LOC128462377: variants seen among roughly 807,000 people sequenced by gnomAD.
the LOC128462377 span, among the ~76,000 whole-genome samples, chr16:89,319,486 T>C: frequency 0.02 from 3,097 of 152,252 alleles, 108 homozygotes; most frequent in African/African-American, 0.07. Context: ...TCTGGAGACG[T>C]TTCTCCAGCC....
chr16:89,416,350 A>G, the LOC128462377 span, among the ~76,000 whole-genome samples: 8 of 151,948 alleles, frequency 5.3e-5, no homozygotes, highest in Admixed American at 2.6e-4. Flanking sequence ...CCCAGGCTCA[A>G]GTGCGGTGTT....
chr16:89,318,656 T>C, the LOC128462377 span, among the ~76,000 whole-genome samples: 10 of 152,236 alleles, frequency 6.6e-5, no homozygotes, highest in Non-Finnish European at 1.5e-4. Flanking sequence ...GGACGCAGGC[T>C]TGGCTGAGAC....
At chr16:89,374,337 T>TAA in the LOC128462377 span, among the ~76,000 whole-genome samples, 630 of 148,954 alleles carry the variant, frequency 4.2e-3, 13 homozygotes, top group South Asian at 1.9e-3. Context: ...TGTGTTTTTG[T>TAA]AAAAAAAATA....
chr16:89,398,801 G>A, the LOC128462377 span, among the ~76,000 whole-genome samples: 6 of 152,008 alleles, frequency 3.9e-5, no homozygotes, highest in Non-Finnish European at 7.3e-5. Flanking sequence ...GAAATTACTC[G>A]TCTAGTCTCT....
At chr16:89,357,128 G>A in the LOC128462377 span, among the ~76,000 whole-genome samples, 2 of 152,244 alleles carry the variant, frequency 1.3e-5, no homozygotes, top group African/African-American at 4.8e-5. Context: ...GTGTAAGGAA[G>A]GTGGAGCCAT....
the LOC128462377 span, among the ~76,000 whole-genome samples, chr16:89,343,252 C>T: frequency 9.8e-5 from 15 of 152,304 alleles, no homozygotes; most frequent in Admixed American, 4.6e-4. Flanking sequence ...CTCGGCCTCC[C>T]GAAGTGCTGG....
At chr16:89,323,410 A>AG in the LOC128462377 span, 1 of 1,119,368 alleles carries the variant, frequency 8.9e-7, no homozygotes, top group South Asian at 1.3e-5. Flanking sequence ...AGCCCAGGGC[A>AG]GGGGGGCTGA....
At chr16:89,369,315 C>A in the LOC128462377 span, among the ~76,000 whole-genome samples, 1 of 152,224 alleles carries the variant, frequency 6.6e-6, no homozygotes, top group African/African-American at 2.4e-5. Context: ...GTGTTCACAG[C>A]AGCGCTGCAA....
chr16:89,321,467 G>GGCGGC, the LOC128462377 span, among the ~76,000 whole-genome samples: 920 of 150,474 alleles, frequency 6.1e-3, 8 homozygotes, highest in African/African-American at 0.021. Context: ...TGCGGGGCGG[G>GGCGGC]GACTGTGGGG....
chr16:89,385,888 G>A, the LOC128462377 span, among the ~76,000 whole-genome samples: 7 of 152,242 alleles, frequency 4.6e-5, no homozygotes, highest in Non-Finnish European at 2.9e-5. Context: ...CGTTCCCTCC[G>A]TAGGCAACCC....
chr16:89,322,165 AC>A, the LOC128462377 span, among the ~76,000 whole-genome samples: 1 of 152,012 alleles, frequency 6.6e-6, no homozygotes, highest in African/African-American at 2.4e-5. Context: ...GGCGCCCCCA[AC>A]CCCTGTATTG....
the LOC128462377 span, among the ~76,000 whole-genome samples, chr16:89,327,314 T>G: frequency 6.6e-6 from 1 of 151,936 alleles, no homozygotes; most frequent in African/African-American, 2.4e-5. Flanking sequence ...AGAAACATCC[T>G]CAACACGATA....
At chr16:89,346,042 G>C in the LOC128462377 span, among the ~76,000 whole-genome samples, 4 of 151,580 alleles carry the variant, frequency 2.6e-5, no homozygotes, top group Non-Finnish European at 5.9e-5. Flanking sequence ...AAGAGTTTGA[G>C]ACCAGGCTGG....
the LOC128462377 span, among the ~76,000 whole-genome samples, chr16:89,319,817 G>C: frequency 2.0e-5 from 3 of 152,336 alleles, no homozygotes; most frequent in African/African-American, 7.2e-5. Flanking sequence ...CTTTTTCAAT[G>C]AGAGACCAGA....
At chr16:89,323,870 C>T in the LOC128462377 span, 1,365 of 218,744 alleles carry the variant, frequency 6.2e-3, 15 homozygotes, top group South Asian at 0.033. Flanking sequence ...TCCTCCGTCT[C>T]ACCCCATAAG....
chr16:89,319,150 G>A, the LOC128462377 span, among the ~76,000 whole-genome samples: 2 of 152,188 alleles, frequency 1.3e-5, no homozygotes, highest in African/African-American at 4.8e-5. Context: ...AGAGTCCACC[G>A]TCCTGATCCC....
the LOC128462377 span, among the ~76,000 whole-genome samples, chr16:89,370,045 C>T: frequency 2.6e-5 from 4 of 152,348 alleles, no homozygotes; most frequent in African/African-American, 4.8e-5. Context: ...GTAACGAGAA[C>T]GCAAACCTTC....
the LOC128462377 span, among the ~76,000 whole-genome samples, chr16:89,337,007 C>CAAAAAAAAAAA: frequency 4.2e-5 from 2 of 47,728 alleles, no homozygotes; most frequent in Non-Finnish European, 7.5e-5. Flanking sequence ...CTGGCTCTAC[C>CAAAAAAAAAAA]AAAAAAAAAA....
At chr16:89,385,280 C>T in the LOC128462377 span, among the ~76,000 whole-genome samples, 2 of 152,094 alleles carry the variant, frequency 1.3e-5, no homozygotes, top group African/African-American at 2.4e-5. Context: ...AGGTGTCTGC[C>T]ACCATGCCCA....
Sources: gnomAD v4.1 joint callset for allele counts (sites outside exome capture counted in the v4.1 genomes callset) on GRCh38, gnomAD v4.1.1 for gene constraint, MANE v1.5 for transcripts.